The following NHLRC2 variants were observed in gnomAD, a reference collection of about 807,000 sequenced individuals.
NHLRC2 encodes the protein NHL repeat containing 2, also known as NHL repeat-containing protein 2.
A neutral mutation model predicts 68.1 loss-of-function variants in NHLRC2; 33 were observed. The ratio of observed to expected loss-of-function variants is 0.48; its 90% CI spans 0.37 to 0.65. The LOEUF (loss-of-function observed/expected upper bound fraction) is 0.65, where lower values mean the gene tolerates loss of function less well. NHLRC2 is among the 30% of genes least tolerant of loss of function. The pLI is 0.00. For synonymous variants in NHLRC2, 311 were observed against 309.6 expected (o/e 1.00, Z -0.05); for missense variants, 761 against 853.8 (o/e 0.89, Z 1.35).
At chr10:113,872,584 A>T (rs1335180264) in intron 2 of NHLRC2, among the ~76,000 whole-genome samples, 1 of 152,114 alleles carries the variant, frequency 6.6e-6, no homozygotes, top group African/African-American at 2.4e-5. Flanking sequence ...TCAAAATAAG[A>T]AATGGACAAA....
Position 113,899,607 on chromosome 10 carries a change from C to G in NHLRC2, c.1139+1398C>G, listed in dbSNP as rs369369974. 3.7e-4 allele frequency among the ~76,000 whole-genome samples: 56 copies of G among 152,236 alleles called. 2 individuals carry two copies. The highest frequency in any genetic ancestry group is 1.3e-3 in the African/African-American group (55 of 41,550). ...GCAAACAATTAAAAGTTAGTGTGTG[C>G]AAAAGGAATCGCTGCAAATTGAAAT... On this transcript the variant is annotated intron_variant, in intron 6 of 10. Coordinates refer to ENST00000369301, the MANE Select transcript of NHLRC2 (RefSeq NM_198514.4).
chr10:113,888,825 C>CTT (rs553815478), intron 5 of NHLRC2, among the ~76,000 whole-genome samples: 22 of 132,966 alleles, frequency 1.7e-4, no homozygotes, highest in African/African-American at 2.5e-4. Flanking sequence ...CTATCAGTAT[C>CTT]TTTTTTTTTT....
chr10:113,898,380 C>G (rs1459095045), intron 6 of NHLRC2, among the ~76,000 whole-genome samples, 171 bp downstream of exon 6: 1 of 152,218 alleles, frequency 6.6e-6, no homozygotes, highest in Non-Finnish European at 1.5e-5. Flanking sequence ...ATTGCTCACT[C>G]ACATGGGTTC....
intron 5 of NHLRC2, among the ~76,000 whole-genome samples, chr10:113,897,590 T>C (rs556572430): frequency 1.3e-5 from 2 of 152,356 alleles, no homozygotes; most frequent in East Asian, 3.9e-4. Context: ...GAATATTTTA[T>C]GAGCTTAGGT....
intron 3 of NHLRC2, among the ~76,000 whole-genome samples, chr10:113,878,332 G>C (rs997726122): frequency 6.6e-6 from 1 of 151,910 alleles, no homozygotes; most frequent in African/African-American, 2.4e-5. Context: ...ACAATTGTAG[G>C]TACAGTAGAC....
At position 113,858,778 on chromosome 10, in the gene NHLRC2, G is replaced by A. The variant is rs1036383736; in HGVS notation, c.331+98G>A. On this transcript the variant is annotated intron_variant, in intron 2 of 10. Transcript: ENST00000369301. ...TCATAGGAGAATGAACATTTGGCAA[G>A]GCTTCAGGGATTCTAAAAGTAATCT... The A allele has an allele frequency of 4.9e-5, 37 of 756,022 alleles. No homozygotes were observed. In the African/African-American group the frequency reaches 6.2e-4, roughly 13 times the overall value. The allele number at this position is 756,022 out of a possible 1,614,324, so 46.8% of individuals were successfully genotyped here. A position where few individuals can be genotyped will look rare whatever the true frequency, so the allele number is the denominator to read the frequency against.
intron 2 of NHLRC2, among the ~76,000 whole-genome samples, chr10:113,865,832 C>T (rs558717293): frequency 6.6e-6 from 1 of 152,134 alleles, no homozygotes; most frequent in South Asian, 2.1e-4. Context: ...GCAGACATAA[C>T]CAGAAATGAT....
At chr10:113,896,555 T>C (rs539378141) in intron 5 of NHLRC2, among the ~76,000 whole-genome samples, 23 of 149,198 alleles carry the variant, frequency 1.5e-4, no homozygotes, top group Non-Finnish European at 2.7e-4. Context: ...TTGGGAGATA[T>C]ACCAAATGCT....
At chr10:113,865,272 C>G (rs1179352247) in intron 2 of NHLRC2, among the ~76,000 whole-genome samples, 1 of 149,280 alleles carries the variant, frequency 6.7e-6, no homozygotes, top group Non-Finnish European at 1.5e-5. Context: ...TTTTAAAAAT[C>G]GCTTTTCATC....
At chr10:113,903,483 AGATT>A in intron 8 of NHLRC2, 40 bp from the exon 9 acceptor site, 1 of 1,188,006 alleles carries the variant, frequency 8.4e-7, no homozygotes. Flanking sequence ...AACAAACATG[AGATT>A]GATCTTCAGT....
intron 7 of NHLRC2, 43 bp from the exon 8 acceptor site, chr10:113,902,428 A>T (rs747748572): frequency 4.5e-6 from 6 of 1,328,744 alleles, no homozygotes. Context: ...CACTGTAAAA[A>T]TTATAATAAC....
intron 3 of NHLRC2, among the ~76,000 whole-genome samples, 182 bp from the exon 4 acceptor site, chr10:113,879,392 A>G (rs552263643): frequency 3.9e-5 from 6 of 152,182 alleles, no homozygotes; most frequent in African/African-American, 7.2e-5. Flanking sequence ...TAATTGTACT[A>G]TGAGCCCTGT....
chr10:113,901,472 T>A (rs566341338), intron 6 of NHLRC2, among the ~76,000 whole-genome samples, 194 bp from the exon 7 acceptor site: 2 of 152,334 alleles, frequency 1.3e-5, no homozygotes, highest in Non-Finnish European at 2.9e-5. Flanking sequence ...CCCTACACAG[T>A]GGGTAAATAA....
At chr10:113,881,062 G>C (rs535607835) in intron 4 of NHLRC2, among the ~76,000 whole-genome samples, 1 of 151,774 alleles carries the variant, frequency 6.6e-6, no homozygotes, top group Non-Finnish European at 1.5e-5. Flanking sequence ...ATATTTTAGG[G>C]AAAAGTGGTT....
At chr10:113,872,270 GAGAA>G (rs1474470617) in intron 2 of NHLRC2, among the ~76,000 whole-genome samples, 6 of 152,094 alleles carry the variant, frequency 3.9e-5, no homozygotes, top group Admixed American at 3.3e-4. Context: ...GGAAACAAAA[GAGAA>G]AGAAGATATA....
rs142631420 is a variant in NHLRC2, at chr10:113,877,904, G to A, written c.787+928G>A. Reference sequence around the variant, plus strand: ...ATTTTGATTTATGACAGGCAGTTACGAGAATTGAATTGTTACTCAAAAAGT... The same window carrying A: ...ATTTTGATTTATGACAGGCAGTTACAAGAATTGAATTGTTACTCAAAAAGT... On this transcript the variant is annotated intron_variant, in intron 3 of 10. Transcript: ENST00000369301. Among the ~76,000 whole-genome samples the A allele has an allele frequency of 2.0e-3, 307 of 152,184 alleles. 2 individuals carry two copies. Among genetic ancestry groups the A allele is most frequent in the African/African-American group, 6.8e-3 (281 of 41,544 alleles).
At chr10:113,902,448 T>G in intron 7 of NHLRC2, 23 bp from the exon 8 acceptor site, 1 of 1,490,376 alleles carries the variant, frequency 6.7e-7, no homozygotes, top group East Asian at 2.3e-5. Context: ...CTGCTGTTTC[T>G]TTTCTTTTAA....
intron 5 of NHLRC2, among the ~76,000 whole-genome samples, chr10:113,894,379 A>C (rs1180546276): frequency 2.0e-5 from 3 of 152,108 alleles, no homozygotes; most frequent in Non-Finnish European, 4.4e-5. Flanking sequence ...GATGTTTTTG[A>C]ATGTCGTTAT....
chr10:113,896,230 G>A (rs184365297), intron 5 of NHLRC2, among the ~76,000 whole-genome samples: 1,699 of 151,964 alleles, frequency 0.011, 29 homozygotes, highest in African/African-American at 0.037. Context: ...TGTTTATTGC[G>A]GCATTATTCA....
Sources: gnomAD v4.1 joint callset for allele counts (sites outside exome capture counted in the v4.1 genomes callset) on GRCh38, gnomAD v4.1.1 for gene constraint, MANE v1.5 for transcripts, NCBI Gene and HGNC (gene_info 2026-07-23, HGNC 2026-07-21) for gene names.